The following GPC6 variants were observed in gnomAD, a reference collection of about 807,000 sequenced individuals.
GPC6 encodes glypican 6, also known as glypican-6.
In GPC6, 14 loss-of-function variants were observed where a neutral mutation model predicts 55.2. The observed-to-expected ratio is 0.25, with a 90% CI of 0.17 to 0.40. GPC6 has a LOEUF of 0.40. GPC6 is among the 10% of genes least tolerant of loss of function. The pLI is 1.00. For synonymous variants in GPC6, 278 were observed against 259.6 expected (o/e 1.07, Z -0.68); for missense variants, 641 against 708.5 (o/e 0.90, Z 1.08).
intron 7 of GPC6, among the ~76,000 whole-genome samples, chr13:94,388,630 A>C (rs767674797): frequency 4.6e-5 from 7 of 152,216 alleles, no homozygotes; most frequent in Non-Finnish European, 8.8e-5. Context: ...TAGACTAAAC[A>C]ACAGAAATTT....
chr13:94,390,844 C>T (rs1249353771), intron 7 of GPC6, among the ~76,000 whole-genome samples: 4 of 151,686 alleles, frequency 2.6e-5, no homozygotes, highest in African/African-American at 9.7e-5. Context: ...TCCTGACTGT[C>T]CTGGCAGGGA....
intron 4 of GPC6, among the ~76,000 whole-genome samples, chr13:94,155,045 G>A (rs544960250): frequency 2.6e-5 from 4 of 152,002 alleles, no homozygotes; most frequent in African/African-American, 9.7e-5. Flanking sequence ...CCTTTAGTCC[G>A]GCTCCCTGGG....
At chr13:94,157,481 G>T (rs372858943) in intron 4 of GPC6, among the ~76,000 whole-genome samples, 31 of 152,260 alleles carry the variant, frequency 2.0e-4, no homozygotes, top group African/African-American at 6.3e-4. Context: ...CGTGGGAGGA[G>T]ACTCTAGGTG....
At chr13:94,133,821 T>G (rs1411066739) in intron 4 of GPC6, among the ~76,000 whole-genome samples, 4 of 152,122 alleles carry the variant, frequency 2.6e-5, no homozygotes, top group Non-Finnish European at 4.4e-5. Flanking sequence ...AGGCCAGATT[T>G]GAGCCATAAA....
intron 4 of GPC6, among the ~76,000 whole-genome samples, chr13:94,277,143 A>T (rs1275191382): frequency 6.6e-6 from 1 of 152,186 alleles, no homozygotes; most frequent in Non-Finnish European, 1.5e-5. Flanking sequence ...CTGGCGTCAG[A>T]TGGTATCTCA....
intron 6 of GPC6, among the ~76,000 whole-genome samples, chr13:94,311,667 T>C (rs1487767998): frequency 1.3e-5 from 2 of 152,288 alleles, no homozygotes; most frequent in East Asian, 3.9e-4. Flanking sequence ...TAAAAAGAAA[T>C]TGTCCCCTGA....
At chr13:94,363,042 G>GC (rs1322206757) in intron 6 of GPC6, among the ~76,000 whole-genome samples, 14 of 151,726 alleles carry the variant, frequency 9.2e-5, no homozygotes, top group South Asian at 4.2e-4. Context: ...CCTTCCCCTT[G>GC]CCCCCACCCC....
chr13:93,400,082 C>G (rs923703142), intron 1 of GPC6, among the ~76,000 whole-genome samples: 5 of 152,214 alleles, frequency 3.3e-5, no homozygotes, highest in African/African-American at 1.2e-4. Context: ...AGGTGTTGAC[C>G]TGCAGGTCTT....
In GPC6 at chr13:93,686,188, G is replaced by A. The variant is rs542410309; in HGVS notation, c.319+140767G>A. Among the ~76,000 whole-genome samples, 114 of 152,056 alleles carry A rather than the reference G, an allele frequency of 7.5e-4. 1 individual carries two copies. Among genetic ancestry groups the A allele is most frequent in the African/African-American group, 2.7e-3 (110 of 41,496 alleles). On this transcript the variant is annotated intron_variant, in intron 2 of 8. Coordinates refer to ENST00000377047, the MANE Select transcript of GPC6 (RefSeq NM_005708.5). ...GTTTATATCACATCACTTTAAATAG[G>A]TTTAACCCAGTTGCCTTCACCTTCA...
At chr13:93,655,869 G>A (rs756363250) in intron 2 of GPC6, among the ~76,000 whole-genome samples, 29 of 152,180 alleles carry the variant, frequency 1.9e-4, no homozygotes, top group African/African-American at 6.5e-4. Flanking sequence ...TCAAATGATG[G>A]TCTTGTAGTA....
At chr13:94,153,962 A>G (rs568382282) in intron 4 of GPC6, among the ~76,000 whole-genome samples, 1 of 152,200 alleles carries the variant, frequency 6.6e-6, no homozygotes, top group Non-Finnish European at 1.5e-5. Flanking sequence ...ATATGAAAAA[A>G]TACTATATAA....
intron 1 of GPC6, among the ~76,000 whole-genome samples, chr13:93,231,382 T>C (rs187410896): frequency 0.16 from 4,079 of 25,326 alleles, 194 homozygotes; most frequent in Middle Eastern, 0.23. Context: ...TATATATACA[T>C]ATATATATAT....
intron 3 of GPC6, among the ~76,000 whole-genome samples, chr13:93,955,980 C>T (rs941225997): frequency 2.6e-5 from 4 of 152,054 alleles, no homozygotes; most frequent in African/African-American, 9.7e-5. Flanking sequence ...CATTTTGGCT[C>T]ACTCATTTCT....
intron 1 of GPC6, among the ~76,000 whole-genome samples, chr13:93,475,005 G>T (rs1388888143): frequency 6.6e-6 from 1 of 152,158 alleles, no homozygotes; most frequent in Non-Finnish European, 1.5e-5. Context: ...AATTAGGCAG[G>T]TGTGGTGGCA....
At chr13:93,363,127 T>TTC (rs773553246) in intron 1 of GPC6, among the ~76,000 whole-genome samples, 2 of 139,178 alleles carry the variant, frequency 1.4e-5, no homozygotes, top group African/African-American at 6.6e-5. Context: ...GTTTTTTTTT[T>TTC]TGTTTTTTTT....
At chr13:93,781,048 C>G (rs552068823) in intron 2 of GPC6, among the ~76,000 whole-genome samples, 1 of 151,832 alleles carries the variant, frequency 6.6e-6, no homozygotes, top group African/African-American at 2.4e-5. Context: ...GAGGCTGAGG[C>G]GGGTGGATCA....
chr13:94,048,296 C>CA, intron 4 of GPC6, among the ~76,000 whole-genome samples: 1 of 151,990 alleles, frequency 6.6e-6, no homozygotes, highest in Middle Eastern at 3.4e-3. Flanking sequence ...TGGGAACAGC[C>CA]ATAAGGATAA....
intron 6 of GPC6, among the ~76,000 whole-genome samples, chr13:94,382,212 G>A (rs989395407): frequency 8.5e-5 from 13 of 152,172 alleles, no homozygotes; most frequent in South Asian, 2.1e-4. Context: ...GAGAACTCTC[G>A]TCTAGAGGAG....
Position 94,247,478 on chromosome 13 carries a change from G to A in GPC6, c.878-38871G>A, listed in dbSNP as rs565031498. The stretch of plus-strand genomic sequence containing the variant: ...CTCCCTCTTGATTATGATGTTAGCC[G>A]TAGATTTTGCATAAATGGGTCTTTA... On this transcript the variant is annotated intron_variant, in intron 4 of 8. Transcript: ENST00000377047. Among the ~76,000 whole-genome samples the A allele has an allele frequency of 5.1e-4, 78 of 152,174 alleles. 1 individual carries two copies. Among genetic ancestry groups the A allele is most frequent in the African/African-American group, 1.2e-3 (48 of 41,548 alleles).
Sources: allele counts gnomAD v4.1 joint callset (sites outside exome capture counted in the v4.1 genomes callset), GRCh38; gene constraint gnomAD v4.1.1; transcripts MANE v1.5; gene names NCBI Gene and HGNC (gene_info 2026-07-23, HGNC 2026-07-21).